Variants in HOXC10 observed in about 807,000 individuals in gnomAD.
HOXC10 encodes homeobox protein Hox-C10.
A neutral mutation model predicts 26.0 loss-of-function variants in HOXC10; 15 were observed. That is an observed-to-expected ratio of 0.58 (90% CI 0.39 to 0.89). The LOEUF (loss-of-function observed/expected upper bound fraction) is 0.89. HOXC10 is among the 40% of genes least tolerant of loss of function. The probability of loss-of-function intolerance (pLI) is 0.00; values close to 1 mark genes in which losing one functional copy is unlikely to be tolerated. For synonymous variants in HOXC10, 196 were observed against 185.5 expected, an observed-to-expected ratio of 1.06 and a Z score of -0.46; for missense variants, 446 against 451.9, an observed-to-expected ratio of 0.99 and a Z score of 0.12.
intron 1 of HOXC10, 58 bp from the exon 2 acceptor site, chr12:53,989,109 AGC>A: frequency 2.7e-6 from 4 of 1,482,932 alleles, no homozygotes; most frequent in Non-Finnish European, 3.6e-6. Flanking sequence ...CAAAGGCTGC[AGC>A]GCTGAGAGGG....
In HOXC10 at chr12:53,989,703, G is replaced by A. The variant is rs1031710777; in HGVS notation, c.*257G>A. The A allele has an allele frequency of 1.2e-5, 6 of 511,134 alleles. No individual in the cohort carries two copies. Among genetic ancestry groups the A allele is most frequent in the African/African-American group, 3.8e-5 (2 of 51,976 alleles). The allele number at this position is 511,134 out of a possible 1,614,324, so 31.7% of individuals were successfully genotyped here. ...ATAGATGGGGGTGGGAGTGTGGCTG[G>A]TGTGTGTGTCAAGCCCTCACTCACC... On this transcript the variant is annotated 3_prime_UTR_variant, in exon 2 of 2. Transcript: ENST00000303460.
intron 1 of HOXC10, among the ~76,000 whole-genome samples, chr12:53,988,515 C>T (rs1389109905): frequency 6.6e-6 from 1 of 152,204 alleles, no homozygotes; most frequent in Non-Finnish European, 1.5e-5. Flanking sequence ...CTGACCTCTG[C>T]TGCTCTTACA....
chr12:53,988,759 C>A (rs561616359), intron 1 of HOXC10, among the ~76,000 whole-genome samples: 11 of 152,342 alleles, frequency 7.2e-5, no homozygotes, highest in African/African-American at 2.4e-4. Flanking sequence ...TGGGTGGACT[C>A]TGCTCTGGTC....
chr12:53,986,001 G>T lies in HOXC10; in HGVS notation c.742G>T (p.Glu248Ter). The T allele has an allele frequency of 6.4e-7, 1 of 1,562,082 alleles. No individual in the cohort carries two copies. The highest frequency in any genetic ancestry group is 8.7e-7 in the Non-Finnish European group (1 of 1,154,816). Residue 248 changes from glutamate (E) to a stop codon, truncating the protein, a stop_gained, in exon 1 of 2, where the codon GAA (glutamate) becomes TAA (stop). Coordinates refer to ENST00000303460, the MANE Select transcript of HOXC10 (RefSeq NM_017409.4). LOFTEE classifies it high-confidence loss of function. ...CTCCAGCCCAGACACCTCGGATAACGAAGCGAAAGGTAAGGCCGCCTGGGC... is the reference window on the plus strand; with the variant it reads ...CTCCAGCCCAGACACCTCGGATAACTAAGCGAAAGGTAAGGCCGCCTGGGC... ...ADSSPDTSDN[E>*]AKEEIKAENT...
chr12:53,989,215 G>C lies in HOXC10; in HGVS notation c.798G>C (p.Lys266Asn). 6.2e-7 allele frequency: 1 copy of C among 1,612,386 alleles called. No homozygotes were observed. The highest frequency in any genetic ancestry group is 2.2e-5 in the East Asian group (1 of 44,878). Residue 266 changes from lysine to asparagine, a missense_variant, in exon 2 of 2, where the codon AAG becomes AAC. Lys to Asn is a moderately conservative substitution (Grantham distance 94). Transcript: ENST00000303460. ...ENTTGNWLTA[K>N]SGRKKRCPYT... ...CCACAGGAAATTGGCTGACAGCAAA[G>C]AGCGGAAGGAAGAAGAGGTGCCCCT...
intron 1 of HOXC10, among the ~76,000 whole-genome samples, chr12:53,987,578 C>A (rs369659115): frequency 6.6e-6 from 1 of 152,162 alleles, no homozygotes; most frequent in South Asian, 2.1e-4. Flanking sequence ...CCACCAAAAG[C>A]AAAGTCAAGG....
Position 53,986,017 on chromosome 12 carries a change from C to A in HOXC10, c.751+7C>A. On this transcript the variant is annotated splice_region_variant and intron_variant, in intron 1 of 1. Transcript: ENST00000303460. Reference sequence around the variant, plus strand: ...TCGGATAACGAAGCGAAAGGTAAGGCCGCCTGGGCCGCGGGCGCCACTGGG... The same window carrying A: ...TCGGATAACGAAGCGAAAGGTAAGGACGCCTGGGCCGCGGGCGCCACTGGG... 1 of 1,541,586 alleles carries A rather than the reference C, an allele frequency of 6.5e-7. No homozygotes were observed. The highest frequency in any genetic ancestry group is 8.7e-7 in the Non-Finnish European group (1 of 1,146,036).
rs751576728 is a variant in HOXC10 at position 53,989,264 on chromosome 12, T to C, written c.847T>C (p.Leu283=). The change falls in exon 2 of 2, where the codon TTG becomes CTG. Residue 283 remains leucine (L), a synonymous_variant. Coordinates refer to ENST00000303460, the MANE Select transcript of HOXC10 (RefSeq NM_017409.4). ...CTATACTAAACACCAGACGCTGGAA[T>C]TGGAGAAAGAATTTCTGTTCAATAT... ...CPYTKHQTLE[L]EKEFLFNMYL... The C allele has an allele frequency of 1.4e-5, 22 of 1,614,042 alleles. No homozygotes were observed. Among genetic ancestry groups the C allele is most frequent in the African/African-American group, 4.0e-5 (3 of 74,910 alleles).
At chr12:53,986,240 T>C (rs1174181639) in intron 1 of HOXC10, 4 of 497,320 alleles carry the variant, frequency 8.0e-6, no homozygotes, top group African/African-American at 4.0e-5. Context: ...CCATGGGTGC[T>C]AAGGCGGGGG....
Position 53,985,229 on chromosome 12 carries a change from T to TCCTTAAAAAG in HOXC10, c.-31_-30insCCTTAAAAAG, listed in dbSNP as rs1307723083. On this transcript the variant is annotated 5_prime_UTR_variant, in exon 1 of 2. The change creates a premature stop within an existing upstream ORF in the 5' untranslated region. Coordinates refer to ENST00000303460, the MANE Select transcript of HOXC10 (RefSeq NM_017409.4). ...AAAGATGTCAGCTCCTCCGCTGTAG[T>TCCTTAAAAAG]ATTGCTCCTTAAAAACCCCTCTCTC... 5.4e-6 allele frequency: 7 copies of TCCTTAAAAAG among 1,292,790 alleles called. No individual in the cohort carries two copies. The African/African-American group carries it at 9.5e-5, about 18-fold the overall frequency. 80.1% of individuals were successfully genotyped at this position (1,292,790 alleles called of 1,614,324 possible).
chr12:53,987,746 T>G (rs1396171333), intron 1 of HOXC10, among the ~76,000 whole-genome samples: 4 of 152,122 alleles, frequency 2.6e-5, no homozygotes, highest in African/African-American at 9.7e-5. Context: ...TGTTTTGATG[T>G]CTCCACCAGG....
At chr12:53,987,283 C>T (rs1050888838) in intron 1 of HOXC10, among the ~76,000 whole-genome samples, 1 of 152,238 alleles carries the variant, frequency 6.6e-6, no homozygotes, top group African/African-American at 2.4e-5. Context: ...CACACTCACG[C>T]ATGCCCGCTC....
At position 53,985,558 on chromosome 12, in the gene HOXC10, C is replaced by G. The variant is rs759554669; in HGVS notation, c.299C>G (p.Ser100Cys). ...QPVGRPLSSC[S>C]YPPSVKEENV... is the part of the protein sequence containing the mutation. ...GTTGGCAGGCCGCTGTCCTCCTGCTCCTACCCACCTAGTGTCAAGGAGGAG... is the reference window on the plus strand; with the variant it reads ...GTTGGCAGGCCGCTGTCCTCCTGCTGCTACCCACCTAGTGTCAAGGAGGAG... The change falls in exon 1 of 2, where the codon TCC (serine) becomes TGC (cysteine). Residue 100 changes from serine (S) to cysteine (C), a missense_variant. Coordinates refer to ENST00000303460, the MANE Select transcript of HOXC10 (RefSeq NM_017409.4). The G allele has an allele frequency of 3.7e-6, 6 of 1,613,866 alleles. No homozygotes were observed. The highest frequency in any genetic ancestry group is 4.2e-6 in the Non-Finnish European group (5 of 1,180,026).
At chr12:53,986,159 C>A in intron 1 of HOXC10, 149 bp downstream of exon 1, 1 of 862,256 alleles carries the variant, frequency 1.2e-6, no homozygotes, top group Non-Finnish European at 1.7e-6. Context: ...GTCCGCTGAG[C>A]TCCAGGCTGG....
rs1462605133 is a variant in HOXC10 at position 53,985,214 on chromosome 12, G to T, written c.-46G>T. ...CGGATGGGGAAAAAAAAAGATGTCAGCTCCTCCGCTGTAGTATTGCTCCTT... is the reference window on the plus strand; with the variant it reads ...CGGATGGGGAAAAAAAAAGATGTCATCTCCTCCGCTGTAGTATTGCTCCTT... On this transcript the variant is annotated 5_prime_UTR_variant, in exon 1 of 2. Coordinates refer to ENST00000303460, the MANE Select transcript of HOXC10 (RefSeq NM_017409.4). 1 of 1,324,006 alleles carries T rather than the reference G, an allele frequency of 7.6e-7. No homozygotes were observed. The highest frequency in any genetic ancestry group is 9.7e-7 in the Non-Finnish European group (1 of 1,031,512). 82.0% of individuals were successfully genotyped at this position (1,324,006 alleles called of 1,614,324 possible). A position where few individuals can be genotyped will look rare whatever the true frequency, so the allele number is the denominator to read the frequency against.
chr12:53,988,643 G>A (rs1028878670), intron 1 of HOXC10, among the ~76,000 whole-genome samples: 4 of 152,230 alleles, frequency 2.6e-5, no homozygotes, highest in Non-Finnish European at 5.9e-5. Context: ...AGAGCTGGGG[G>A]CCCAGGACAG....
chr12:53,989,547 C>A lies in HOXC10; in HGVS notation c.*101C>A. On this transcript the variant is annotated 3_prime_UTR_variant, in exon 2 of 2. Transcript: ENST00000303460. Reference sequence around the variant, plus strand: ...TTTTTTTCCTCCCTGAGTATAAATGCAATGCGACTGCAAAAAAGGCAAAGA... The same window carrying A: ...TTTTTTTCCTCCCTGAGTATAAATGAAATGCGACTGCAAAAAAGGCAAAGA... 8.3e-7 allele frequency: 1 copy of A among 1,202,164 alleles called. No individual in the cohort carries two copies. The highest frequency in any genetic ancestry group is 1.1e-6 in the Non-Finnish European group (1 of 870,124). 74.5% of individuals were successfully genotyped at this position (1,202,164 alleles called of 1,614,324 possible).
At chr12:53,987,309 C>T (rs955516929) in intron 1 of HOXC10, among the ~76,000 whole-genome samples, 2 of 152,214 alleles carry the variant, frequency 1.3e-5, no homozygotes, top group African/African-American at 4.8e-5. Context: ...TGCACAGGCA[C>T]TCTTTTGGCG....
In HOXC10 at chr12:53,990,227, T is replaced by G; in HGVS notation, c.*781T>G. The G allele has an allele frequency of 6.8e-6, 1 of 147,914 alleles. No homozygotes were observed. The highest frequency in any genetic ancestry group is 1.9e-4 in the East Asian group (1 of 5,174). The allele number at this position is 147,914 out of a possible 1,614,324, so 9.2% of individuals were successfully genotyped here. A position where few individuals can be genotyped will look rare whatever the true frequency, so the allele number is the denominator to read the frequency against. ...TATGTTGTATCTTTTGCATGTAGCT[T>G]CCTTAATGGAGAAAAAAAAACCTAA... On this transcript the variant is annotated 3_prime_UTR_variant, in exon 2 of 2. Transcript: ENST00000303460.
Sources: allele counts gnomAD v4.1 joint callset (sites outside exome capture counted in the v4.1 genomes callset), GRCh38; gene constraint gnomAD v4.1.1; transcripts MANE v1.5; gene names NCBI Gene and HGNC (gene_info 2026-07-23, HGNC 2026-07-21).